USB1: variants seen among roughly 807,000 people sequenced by gnomAD.
The protein encoded by USB1 is U6 snRNA phosphodiesterase 1.
A neutral mutation model predicts 29.9 loss-of-function variants in USB1; 21 were observed. That is an observed-to-expected ratio of 0.70 (90% CI 0.50 to 1.01). USB1 has a LOEUF of 1.01. USB1 is among the 50% of genes least tolerant of loss of function. The pLI is 0.00. For missense variants in USB1, 330 were observed against 347.1 expected (o/e 0.95, Z 0.39); for synonymous variants, 143 against 134.9 (o/e 1.06, Z -0.42).
At chr16:58,012,716 A>C (rs1963525989) in intron 3 of USB1, 1 of 1,088,526 alleles carries the variant, frequency 9.2e-7, no homozygotes, top group South Asian at 3.3e-5. Context: ...ATCCTGCGGA[A>C]GCTCTGCCCC....
chr16:58,011,427 C>A, intron 3 of USB1: 1 of 1,098,968 alleles, frequency 9.1e-7, no homozygotes, highest in Non-Finnish European at 1.1e-6. Flanking sequence ...TATTTCATAA[C>A]TCTTTTCCTA....
chr16:58,003,962 C>T (rs1400885039), intron 2 of USB1, among the ~76,000 whole-genome samples: 3 of 152,136 alleles, frequency 2.0e-5, no homozygotes, highest in Non-Finnish European at 4.4e-5. Flanking sequence ...TGAAGTCCAG[C>T]TTATCAATTA....
intron 2 of USB1, among the ~76,000 whole-genome samples, chr16:58,003,738 T>A (rs1390098828): frequency 6.6e-6 from 1 of 152,212 alleles, no homozygotes; most frequent in Non-Finnish European, 1.5e-5. Context: ...TCATTTTTGT[T>A]TATTAATAAA....
chr16:58,020,026 T>G, intron 6 of USB1, 115 bp from the exon 7 acceptor site: 1 of 923,588 alleles, frequency 1.1e-6, no homozygotes, highest in Non-Finnish European at 1.7e-6. Context: ...GCCTGGAGCC[T>G]GCAGCCTCAG....
At chr16:58,011,493 A>T in intron 3 of USB1, 1 of 1,014,814 alleles carries the variant, frequency 9.9e-7, no homozygotes, top group East Asian at 9.3e-5. Context: ...TCTTTCACTG[A>T]GGCTCTCCCG....
intron 4 of USB1, chr16:58,016,250 G>A (rs1024518269): frequency 5.9e-5 from 9 of 152,218 alleles, no homozygotes; most frequent in African/African-American, 2.2e-4. Flanking sequence ...GAAGCAAGGG[G>A]AAGACGAACA....
chr16:58,006,828 G>A (rs1260168459), intron 2 of USB1, among the ~76,000 whole-genome samples: 2 of 152,224 alleles, frequency 1.3e-5, no homozygotes, highest in African/African-American at 4.8e-5. Flanking sequence ...AAGCTTTGGA[G>A]TTTCCTATCA....
chr16:58,000,746 T>G (rs572170644), upstream of USB1, among the ~76,000 whole-genome samples: 327 of 150,468 alleles, frequency 2.2e-3, no homozygotes, highest in Non-Finnish European at 3.6e-3. The surrounding 1 kb of genome is among the most constrained non-coding windows in gnomAD (Gnocchi z 4.5). Flanking sequence ...CGGCGGCCAA[T>G]GCGGGAGGAG....
At chr16:58,020,040 C>A in intron 6 of USB1, 101 bp from the exon 7 acceptor site, 1 of 1,097,886 alleles carries the variant, frequency 9.1e-7, no homozygotes. Context: ...GCCTCAGCCT[C>A]GCCCAGCCTC....
intron 1 of USB1, 100 bp downstream of exon 1, chr16:58,001,681 G>A (rs976885887): frequency 5.1e-6 from 7 of 1,361,986 alleles, no homozygotes; most frequent in Non-Finnish European, 7.2e-6. Flanking sequence ...AGGATGCGGG[G>A]CGGCTCTGGG....
At chr16:58,005,114 T>A (rs147225056) in intron 2 of USB1, among the ~76,000 whole-genome samples, 3 of 152,174 alleles carry the variant, frequency 2.0e-5, no homozygotes, top group Middle Eastern at 3.2e-3. Flanking sequence ...GTACTTTCAC[T>A]AATTTTGCTA....
Position 58,017,271 on chromosome 16 carries a change from C to G in USB1, c.504-63C>G, listed in dbSNP as rs1963637805. 13 of 1,484,740 alleles carry G rather than the reference C, an allele frequency of 8.8e-6. 1 individual carries two copies. Among genetic ancestry groups the G allele is most frequent in the Non-Finnish European group, 1.2e-5 (13 of 1,063,758 alleles). The allele number at this position is 1,484,740 out of a possible 1,614,324, so 92.0% of individuals were successfully genotyped here. A position where few individuals can be genotyped will look rare whatever the true frequency, so the allele number is the denominator to read the frequency against. On this transcript the variant is annotated intron_variant, in intron 4 of 6. Coordinates refer to ENST00000219281, the MANE Select transcript of USB1 (RefSeq NM_024598.4). ...GGCCTTCTGCCTGGCTCCTGCTCGGCTGCGCAGATGGCTGTGTTCTCAGAG... is the reference window on the plus strand; with the variant it reads ...GGCCTTCTGCCTGGCTCCTGCTCGGGTGCGCAGATGGCTGTGTTCTCAGAG...
intron 3 of USB1, chr16:58,012,632 C>T: frequency 1.5e-6 from 2 of 1,324,278 alleles, no homozygotes; most frequent in Non-Finnish European, 9.7e-7. Flanking sequence ...CTGGTCTGAC[C>T]CGTCTCCTGT....
At chr16:58,014,134 C>T in intron 3 of USB1, 139 bp from the exon 4 acceptor site, 1 of 715,732 alleles carries the variant, frequency 1.4e-6, no homozygotes, top group Non-Finnish European at 2.5e-6. Flanking sequence ...TTCAGTATAC[C>T]ACCTGCATAA....
chr16:58,011,540 C>T, intron 3 of USB1: 3 of 1,002,402 alleles, frequency 3.0e-6, no homozygotes, highest in South Asian at 8.6e-5. Flanking sequence ...GTCCAGAGAT[C>T]AGTCGGTCCT....
intron 3 of USB1, chr16:58,010,745 A>G (rs975249480): frequency 2.1e-6 from 1 of 469,614 alleles, no homozygotes; most frequent in African/African-American, 1.9e-5. Flanking sequence ...CCAGATGAAG[A>G]GATAGGTAGG....
Position 58,001,529 on chromosome 16 carries a change from G to A in USB1, c.46G>A (p.Asp16Asn). 1 of 1,609,214 alleles carries A rather than the reference G, an allele frequency of 6.2e-7. No homozygotes were observed. The highest frequency in any genetic ancestry group is 8.5e-7 in the Non-Finnish European group (1 of 1,178,244). The change falls in exon 1 of 7, where the codon GAT becomes AAT. Residue 16 changes from aspartate to asparagine, a missense_variant. Transcript: ENST00000219281. ...GGGCTACAGCAGCAGCGGCTCCGAG[G>A]ATGAGTCCGAGGACGGGATGCGGAC... The part of the protein sequence containing the change: ...LVGYSSSGSE[D>N]ESEDGMRTRP...
chr16:58,014,169 A>G, intron 3 of USB1, 104 bp from the exon 4 acceptor site: 1 of 915,350 alleles, frequency 1.1e-6, no homozygotes, highest in Non-Finnish European at 1.7e-6. Context: ...GAAGTGCAAA[A>G]TGAGTTAACT....
chr16:58,020,035 A>C, intron 6 of USB1, 106 bp from the exon 7 acceptor site: 1 of 1,017,654 alleles, frequency 9.8e-7, no homozygotes, highest in Non-Finnish European at 1.5e-6. Flanking sequence ...CTGCAGCCTC[A>C]GCCTCGCCCA....
Sources: allele counts gnomAD v4.1 joint callset (sites outside exome capture counted in the v4.1 genomes callset), GRCh38; gene constraint gnomAD v4.1.1; non-coding constraint Gnocchi (gnomAD v3.1); transcripts MANE v1.5; gene names NCBI Gene and HGNC (gene_info 2026-07-23, HGNC 2026-07-21).